Variants in MYT1 observed in about 807,000 individuals in gnomAD.
MYT1 encodes the protein myelin transcription factor I.
In MYT1, 23 loss-of-function variants were observed where a neutral mutation model predicts 123.0. The observed-to-expected ratio is 0.19, with a 90% CI of 0.13 to 0.26. MYT1 has a LOEUF of 0.26. Among genes scored for constraint, MYT1 ranks in the 10% least tolerant of loss-of-function variants. The pLI, the probability that MYT1 is intolerant of heterozygous loss-of-function variation, is 1.00. For missense variants in MYT1, 1,125 were observed against 1,472.5 expected, an observed-to-expected ratio of 0.76 and a Z score of 3.86; for synonymous variants, 518 against 575.3, an observed-to-expected ratio of 0.90 and a Z score of 1.43.
rs541292891 is a variant in MYT1, at chr20:64,222,129, C to A, written c.2396+82C>A. 4.0e-6 allele frequency: 6 copies of A among 1,509,722 alleles called. No homozygotes were observed. In the African/African-American group the frequency reaches 5.5e-5, roughly 14 times the overall value. The allele number at this position is 1,509,722 out of a possible 1,614,324, so 93.5% of individuals were successfully genotyped here. The stretch of plus-strand genomic sequence containing the variant: ...AACAGGCCCTGGTCCCAACCCATGA[C>A]GACCGGGTCTGCTCAGGCTTTCCCC... On this transcript the variant is annotated intron_variant, in intron 14 of 22. Transcript: ENST00000328439.
At chr20:64,171,944 T>C (rs1279133656) in intron 1 of MYT1, among the ~76,000 whole-genome samples, 1 of 151,678 alleles carries the variant, frequency 6.6e-6, no homozygotes, top group Non-Finnish European at 1.5e-5. Flanking sequence ...AGAGTTAGAG[T>C]CCAATTCCTC....
At position 64,231,298 on chromosome 20, in the gene MYT1, T is replaced by A. The variant is rs1568720327; in HGVS notation, c.2676-866T>A. 6.6e-6 allele frequency among the ~76,000 whole-genome samples: 1 copy of A among 152,104 alleles called. No individual in the cohort carries two copies. The highest frequency in any genetic ancestry group is 6.5e-5 in the Admixed American group (1 of 15,282). ...TTCCTGGATGACGTGGTCCCTCAGCTCCCCAAGTCCTGGTCCAGGTCCTTC... is the reference window on the plus strand; with the variant it reads ...TTCCTGGATGACGTGGTCCCTCAGCACCCCAAGTCCTGGTCCAGGTCCTTC... On this transcript the variant is annotated intron_variant, in intron 18 of 22. Coordinates refer to ENST00000328439, the MANE Select transcript of MYT1 (RefSeq NM_004535.3). This position sits in a 1 kb window ranked among gnomAD's most constrained non-coding sequence, Gnocchi z 6.4.
In MYT1 at chr20:64,212,885, A is replaced by C. The variant is rs941891096; in HGVS notation, c.1518-649A>C. Among the ~76,000 whole-genome samples the C allele has an allele frequency of 1.3e-5, 2 of 152,186 alleles. No individual in the cohort carries two copies. Among genetic ancestry groups the C allele is most frequent in the African/African-American group, 4.8e-5 (2 of 41,442 alleles). On this transcript the variant is annotated intron_variant, in intron 9 of 22. Transcript: ENST00000328439. The surrounding 1 kb of genome is among the most constrained non-coding windows in gnomAD (Gnocchi z 6.8). Reference sequence around the variant, plus strand: ...GCTTTCCCCCAGCAGGCTTATGCTCAGCTGAAAGGACTGCCAGAGCTTTTG... The same window carrying C: ...GCTTTCCCCCAGCAGGCTTATGCTCCGCTGAAAGGACTGCCAGAGCTTTTG...
At chr20:64,165,715 C>T (rs1022411861) in intron 1 of MYT1, among the ~76,000 whole-genome samples, 8 of 152,098 alleles carry the variant, frequency 5.3e-5, no homozygotes, top group Non-Finnish European at 7.4e-5. Context: ...CGGGGGGTTC[C>T]GTGGCTGCAG....
chr20:64,233,594 G>GA, intron 19 of MYT1, among the ~76,000 whole-genome samples: 1 of 148,350 alleles, frequency 6.7e-6, no homozygotes, highest in Admixed American at 6.8e-5. Context: ...AGAGAGCAGA[G>GA]AAAAAAAGGA....
At chr20:64,165,119 C>T (rs1982042911) in intron 1 of MYT1, among the ~76,000 whole-genome samples, 1 of 151,992 alleles carries the variant, frequency 6.6e-6, no homozygotes, top group Non-Finnish European at 1.5e-5. Context: ...CCCAGCAGCC[C>T]CGTACCTGGG....
In MYT1 at chr20:64,235,287, A is replaced by G. The variant is rs1473904199; in HGVS notation, c.2898-1268A>G. On this transcript the variant is annotated intron_variant, in intron 19 of 22. Coordinates refer to ENST00000328439, the MANE Select transcript of MYT1 (RefSeq NM_004535.3). ...CATGGTGTGTGACCCGGGGCTGGCC[A>G]TGGTGGGTGACCCCGAGCTGGCTGT... 1.3e-4 allele frequency among the ~76,000 whole-genome samples: 7 copies of G among 55,066 alleles called. No individual in the cohort carries two copies. The South Asian group carries it at 7.1e-3, about 56-fold the overall frequency. 36.1% of individuals were successfully genotyped at this position (55,066 alleles called of 152,430 possible). A position where few individuals can be genotyped will look rare whatever the true frequency, so the allele number is the denominator to read the frequency against.
At chr20:64,179,163 G>C (rs1049140872) in intron 1 of MYT1, among the ~76,000 whole-genome samples, 174 of 150,498 alleles carry the variant, frequency 1.2e-3, no homozygotes, top group Non-Finnish European at 2.3e-3. Flanking sequence ...TTCAACGTGG[G>C]AGCACTGAGC....
chr20:64,235,160 G>A (rs1984473002), intron 19 of MYT1, among the ~76,000 whole-genome samples: 1 of 131,216 alleles, frequency 7.6e-6, no homozygotes, highest in Non-Finnish European at 1.6e-5. Context: ...GTGACCCTGG[G>A]CTGGCCGTGG....
chr20:64,169,751 G>C (rs748230474), intron 1 of MYT1, among the ~76,000 whole-genome samples: 2 of 152,156 alleles, frequency 1.3e-5, no homozygotes, highest in Non-Finnish European at 2.9e-5. Flanking sequence ...CTTAATCTTC[G>C]AATGGAACAA....
rs1982984183 is a variant in MYT1, at chr20:64,191,983, T to A, written c.-1+1823T>A. 6.6e-6 allele frequency: 1 copy of A among 152,212 alleles called. No individual in the cohort carries two copies. The highest frequency in any genetic ancestry group is 1.5e-5 in the Non-Finnish European group (1 of 68,028). 9.4% of individuals were successfully genotyped at this position (152,212 alleles called of 1,614,324 possible). A position where few individuals can be genotyped will look rare whatever the true frequency, so the allele number is the denominator to read the frequency against. ...GAGATCATGTGAGCATGAACGTTAC[T>A]TGACTTGAGGCCAGGGGCTCTGCAT... On this transcript the variant is annotated intron_variant, in intron 2 of 22. Coordinates refer to ENST00000328439, the MANE Select transcript of MYT1 (RefSeq NM_004535.3). The surrounding 1 kb of genome is among the most constrained non-coding windows in gnomAD (Gnocchi z 4.1).
rs1369262444 is a variant in MYT1 at position 64,213,228 on chromosome 20, G to T, written c.1518-306G>T. Among the ~76,000 whole-genome samples, 1 of 152,188 alleles carries T rather than the reference G, an allele frequency of 6.6e-6. No homozygotes were observed. The highest frequency in any genetic ancestry group is 6.5e-5 in the Admixed American group (1 of 15,286). The stretch of plus-strand genomic sequence containing the variant: ...TGTCTCCCAGACCCATGCAGAGGAG[G>T]CATCTTTGCCCAGAGCTTTCAAGGC... On this transcript the variant is annotated intron_variant, in intron 9 of 22. Transcript: ENST00000328439. The surrounding 1 kb of genome is among the most constrained non-coding windows in gnomAD (Gnocchi z 5.6).
intron 6 of MYT1, 143 bp downstream of exon 6, chr20:64,205,943 G>A (rs1983479419): frequency 7.5e-7 from 1 of 1,341,764 alleles, no homozygotes; most frequent in African/African-American, 1.5e-5. Context: ...AACATGTGCT[G>A]GGCTTCCTGG....
At position 64,213,186 on chromosome 20, in the gene MYT1, G is replaced by T. The variant is rs1408417127; in HGVS notation, c.1518-348G>T. On this transcript the variant is annotated intron_variant, in intron 9 of 22. Coordinates refer to ENST00000328439, the MANE Select transcript of MYT1 (RefSeq NM_004535.3). This position sits in a 1 kb window ranked among gnomAD's most constrained non-coding sequence, Gnocchi z 5.6. ...CCTGCAAGCTGGGAAGGGAGAGGAA[G>T]GGGGTGAGGGCAAGCCTGTCTCCCA... is the stretch of plus-strand genomic sequence containing the variant. Among the ~76,000 whole-genome samples, 2 of 152,176 alleles carry T rather than the reference G, an allele frequency of 1.3e-5. No individual in the cohort carries two copies. Among genetic ancestry groups the T allele is most frequent in the Non-Finnish European group, 2.9e-5 (2 of 68,040 alleles).
At chr20:64,204,953 C>A in intron 4 of MYT1, 82 bp from the exon 5 acceptor site, 1 of 1,405,108 alleles carries the variant, frequency 7.1e-7, no homozygotes, top group Non-Finnish European at 1.0e-6. Context: ...AGACATTCTG[C>A]TCCCCAGGGT....
rs1330327980 is a variant in MYT1 at position 64,205,609 on chromosome 20, A to G, written c.206A>G (p.His69Arg). 26 of 1,614,026 alleles carry G rather than the reference A, an allele frequency of 1.6e-5. No individual in the cohort carries two copies. Among genetic ancestry groups the G allele is most frequent in the Non-Finnish European group, 2.1e-5 (25 of 1,180,024 alleles). ...KRKLEGAEAE[H>R]LVSKRKSHPL... ...AAGCTGGAGGGCGCTGAGGCTGAGC[A>G]CCTGGTGTCCAAGAGGAAGTCACAC... Residue 69 changes from histidine (H) to arginine (R), a missense_variant, in exon 6 of 23, where the codon CAC becomes CGC. By Grantham distance (29) the His-to-Arg change is conservative. Around this residue, in one of 4 missense-constraint regions of MYT1, gnomAD observed 406 missense variants for 432.2 expected, o/e 0.94. Transcript: ENST00000328439.
At chr20:64,229,201 T>C (rs1984256662) in intron 18 of MYT1, among the ~76,000 whole-genome samples, 2 of 152,218 alleles carry the variant, frequency 1.3e-5, no homozygotes, top group Non-Finnish European at 2.9e-5. Context: ...TTTTGGTTGT[T>C]AGTACTATGA....
Position 64,190,307 on chromosome 20 carries a change from G to T in MYT1, c.-1+147G>T, listed in dbSNP as rs1332178572. On this transcript the variant is annotated intron_variant, in intron 2 of 22. Transcript: ENST00000328439. The surrounding 1 kb of genome is among the most constrained non-coding windows in gnomAD (Gnocchi z 4.1). ...CCGGGTTAGGTGAAGGGTAAATGGG[G>T]ACTAGGATCAGCAATGATCCGGTCA... 6.6e-6 allele frequency: 1 copy of T among 152,270 alleles called. No individual in the cohort carries two copies. The highest frequency in any genetic ancestry group is 1.9e-4 in the East Asian group (1 of 5,196). 9.4% of individuals were successfully genotyped at this position (152,270 alleles called of 1,614,324 possible).
At chr20:64,195,706 A>G (rs1227893864) in intron 2 of MYT1, among the ~76,000 whole-genome samples, 1 of 152,134 alleles carries the variant, frequency 6.6e-6, no homozygotes, top group Non-Finnish European at 1.5e-5. Context: ...AGAACCATGT[A>G]TATTTTCAAA....
Sources: allele counts gnomAD v4.1 joint callset (sites outside exome capture counted in the v4.1 genomes callset), GRCh38; gene constraint gnomAD v4.1.1; regional missense constraint gnomAD v4.1.1; non-coding constraint Gnocchi (gnomAD v3.1); transcripts MANE v1.5; gene names NCBI Gene and HGNC (gene_info 2026-07-23, HGNC 2026-07-21).